The following FGF12 variants were observed in gnomAD, a reference collection of about 807,000 sequenced individuals.
FGF12 encodes fibroblast growth factor 12.
FGF12 carries 14 observed loss-of-function variants against 23.6 expected under a neutral mutation model. The observed-to-expected ratio is 0.59, with a 90% confidence interval of 0.39 to 0.93. FGF12 has a LOEUF of 0.93. FGF12 is among the 40% of genes least tolerant of loss of function. The probability of loss-of-function intolerance (pLI) is 0.00; values close to 1 mark genes in which losing one functional copy is unlikely to be tolerated. For missense variants in FGF12, 175 were observed against 217.8 expected (o/e 0.80, Z 1.24); for synonymous variants, 62 against 77.3 (o/e 0.80, Z 1.04).
At chr3:192,513,855 C>G (rs1304039810) in intron 2 of FGF12, among the ~76,000 whole-genome samples, 1 of 152,122 alleles carries the variant, frequency 6.6e-6, no homozygotes. Context: ...AATAGACACA[C>G]CACTTTAAAG....
intron 2 of FGF12, among the ~76,000 whole-genome samples, chr3:192,567,051 T>G (rs1712326916): frequency 6.6e-6 from 1 of 152,168 alleles, no homozygotes; most frequent in Non-Finnish European, 1.5e-5. Flanking sequence ...CCACAGATAC[T>G]TTCTCTCGTC....
Position 192,408,494 on chromosome 3 carries a change from C to A in FGF12, c.14-47956G>T, listed in dbSNP as rs1721061008. 9 of 1,279,288 alleles carry A rather than the reference C, an allele frequency of 7.0e-6. No individual in the cohort carries two copies. The highest frequency in any genetic ancestry group is 7.9e-6 in the Non-Finnish European group (8 of 1,013,338). The allele number at this position is 1,279,288 out of a possible 1,614,324, so 79.2% of individuals were successfully genotyped here. A position where few individuals can be genotyped will look rare whatever the true frequency, so the allele number is the denominator to read the frequency against. On this transcript the variant is annotated intron_variant, in intron 2 of 5. Coordinates refer to ENST00000445105, the MANE Select transcript of FGF12 (RefSeq NM_004113.6). This position sits in a 1 kb window ranked among gnomAD's most constrained non-coding sequence, Gnocchi z 7.3. Reference sequence around the variant, plus strand: ...GGCGGGGCGGTCCCAGGCCCTCTTGCGAAGTAGACGTTTGCACCCCAAACT... The same window carrying A: ...GGCGGGGCGGTCCCAGGCCCTCTTGAGAAGTAGACGTTTGCACCCCAAACT...
chr3:192,679,667 T>C (rs1995576), intron 2 of FGF12, among the ~76,000 whole-genome samples: 24,127 of 151,854 alleles, frequency 0.16, 2,382 homozygotes, highest in African/African-American at 0.28. Flanking sequence ...ACATCTAGAT[T>C]CATCTTCTCA....
At chr3:192,419,606 G>C (rs1721458893) in intron 2 of FGF12, among the ~76,000 whole-genome samples, 1 of 152,146 alleles carries the variant, frequency 6.6e-6, no homozygotes, top group Non-Finnish European at 1.5e-5. Context: ...AAATGATTAA[G>C]GTCAGCATTG....
intron 4 of FGF12, among the ~76,000 whole-genome samples, chr3:192,290,093 A>G (rs927084049): frequency 2.0e-5 from 3 of 152,108 alleles, no homozygotes; most frequent in Admixed American, 2.0e-4. Flanking sequence ...ACAAAGTTTT[A>G]GTTAGATGAG....
rs61011861 is a variant in FGF12 at position 192,378,105 on chromosome 3, C to CTTTCTGTCTTTCTTTCTTT, written c.14-17568_14-17567insAAAGAAAGAAAGACAGAAA. 9.8e-5 allele frequency among the ~76,000 whole-genome samples: 9 copies of CTTTCTGTCTTTCTTTCTTT among 92,042 alleles called. 1 individual carries two copies. The highest frequency in any genetic ancestry group is 3.2e-4 in the East Asian group (1 of 3,122). The allele number at this position is 92,042 out of a possible 152,430, so 60.4% of individuals were successfully genotyped here. A position where few individuals can be genotyped will look rare whatever the true frequency, so the allele number is the denominator to read the frequency against. On this transcript the variant is annotated intron_variant, in intron 2 of 5. Coordinates refer to ENST00000445105, the MANE Select transcript of FGF12 (RefSeq NM_004113.6). ...TTCTTTCTTTCTTTCTTCTTTCTTTCCTTCTTTCTCTCTTTGTTTTTTTTT... is the reference window on the plus strand; with the variant it reads ...TTCTTTCTTTCTTTCTTCTTTCTTTCTTTCTGTCTTTCTTTCTTTCTTCTTTCTCTCTTTGTTTTTTTTT...
rs760552008 is a variant in FGF12 at position 192,407,723 on chromosome 3, T to TGAATGAATGAATGAATG, written c.14-47186_14-47185insCATTCATTCATTCATTC. ...AGAGAGAAGAGATGAATGAATGAAT[T>TGAATGAATGAATGAATG]AATGAATGAAGTGGTCACTCCCCTC... is the stretch of plus-strand genomic sequence containing the variant. On this transcript the variant is annotated intron_variant, in intron 2 of 5. Transcript: ENST00000445105. Among the ~76,000 whole-genome samples the TGAATGAATGAATGAATG allele has an allele frequency of 3.7e-3, 553 of 147,592 alleles. 7 individuals carry two copies. The highest frequency in any genetic ancestry group is 0.011 in the African/African-American group (408 of 38,314).
intron 2 of FGF12, among the ~76,000 whole-genome samples, chr3:192,547,737 T>C (rs1725532397): frequency 6.6e-6 from 1 of 152,206 alleles, no homozygotes; most frequent in South Asian, 2.1e-4. Flanking sequence ...TGCTAGAACT[T>C]AACCAATGAA....
intron 5 of FGF12, among the ~76,000 whole-genome samples, chr3:192,167,081 G>A (rs1245712992): frequency 6.7e-6 from 1 of 149,372 alleles, no homozygotes; most frequent in African/African-American, 2.5e-5. Flanking sequence ...GAGGATGGAA[G>A]CCTGAAGCAG....
rs1019216165 is a variant in FGF12, at chr3:192,409,972, G to T, written c.14-49434C>A. On this transcript the variant is annotated intron_variant, in intron 2 of 5. Transcript: ENST00000445105. The surrounding 1 kb of genome is among the most constrained non-coding windows in gnomAD (Gnocchi z 4.8). ...CAGGGTGGAGTCCCATTCATGGGCT[G>T]AGGCTCTGGGCGCGCGGAGCCGCCG... 2.6e-5 allele frequency among the ~76,000 whole-genome samples: 4 copies of T among 152,000 alleles called. No individual in the cohort carries two copies. Among genetic ancestry groups the T allele is most frequent in the African/African-American group, 9.7e-5 (4 of 41,424 alleles).
At chr3:192,271,343 CT>C (rs1230824388) in intron 4 of FGF12, among the ~76,000 whole-genome samples, 1 of 152,192 alleles carries the variant, frequency 6.6e-6, no homozygotes, top group Admixed American at 6.5e-5. Context: ...ACATAAGTAT[CT>C]GCATTGTTGA....
chr3:192,260,726 G>C (rs184399944), intron 4 of FGF12, among the ~76,000 whole-genome samples: 4 of 152,248 alleles, frequency 2.6e-5, no homozygotes, highest in Admixed American at 2.6e-4. Flanking sequence ...CTGCTTCTAT[G>C]GAGGGAGGGC....
chr3:192,689,887 A>G (rs1717887549), intron 2 of FGF12, among the ~76,000 whole-genome samples: 2 of 152,066 alleles, frequency 1.3e-5, no homozygotes, highest in South Asian at 4.1e-4. Flanking sequence ...AGAACTAAGA[A>G]AGAACTTTAA....
chr3:192,168,008 G>A (rs1029374967), intron 5 of FGF12, among the ~76,000 whole-genome samples: 44 of 151,176 alleles, frequency 2.9e-4, no homozygotes, highest in African/African-American at 9.5e-4. Flanking sequence ...CTCGTGATCC[G>A]CCCACCTCGG....
intron 2 of FGF12, among the ~76,000 whole-genome samples, chr3:192,687,815 T>C (rs928200289): frequency 1.8e-4 from 28 of 152,142 alleles, no homozygotes; most frequent in Non-Finnish European, 1.5e-4. Context: ...GCCTGACCCC[T>C]GTCCCAACCC....
chr3:192,658,994 G>A (rs977248480), intron 2 of FGF12, among the ~76,000 whole-genome samples: 7 of 152,150 alleles, frequency 4.6e-5, no homozygotes, highest in Non-Finnish European at 8.8e-5. Flanking sequence ...CGGCCAGGAC[G>A]CCAAGCTGCT....
At chr3:192,711,549 G>A (rs529230680) in intron 2 of FGF12, among the ~76,000 whole-genome samples, 1 of 152,328 alleles carries the variant, frequency 6.6e-6, no homozygotes, top group South Asian at 2.1e-4. Context: ...GATTGTTGCT[G>A]TGTCTGTGTA....
At chr3:192,242,135 A>G (rs1352089331) in intron 4 of FGF12, among the ~76,000 whole-genome samples, 1 of 152,230 alleles carries the variant, frequency 6.6e-6, no homozygotes, top group Non-Finnish European at 1.5e-5. Flanking sequence ...AGGAAAGTAG[A>G]AGGAAGAATA....
chr3:192,471,584 G>A (rs947787513), intron 2 of FGF12, among the ~76,000 whole-genome samples: 3 of 152,186 alleles, frequency 2.0e-5, no homozygotes, highest in Admixed American at 6.5e-5. Flanking sequence ...TCTTCAAGTG[G>A]TCACAGAATT....
Sources: gnomAD v4.1 joint callset for allele counts (sites outside exome capture counted in the v4.1 genomes callset) on GRCh38, gnomAD v4.1.1 for gene constraint, Gnocchi (gnomAD v3.1) non-coding constraint, MANE v1.5 for transcripts, NCBI Gene and HGNC (gene_info 2026-07-23, HGNC 2026-07-21) for gene names.